Variants in PCSK6 observed in about 807,000 individuals in gnomAD.
The protein encoded by PCSK6 is paired basic amino acid cleaving enzyme 4.
PCSK6 carries 85 observed loss-of-function variants against 123.3 expected under a neutral mutation model. The ratio of observed to expected loss-of-function variants is 0.69; its 90% CI spans 0.58 to 0.83. The LOEUF is 0.83. Ranked by LOEUF, PCSK6 falls within the 40% of genes least tolerant of loss-of-function variation. The pLI, the probability that PCSK6 is intolerant of heterozygous loss-of-function variation, is 0.00. For missense variants in PCSK6, 1,191 were observed against 1,282.3 expected, an observed-to-expected ratio of 0.93 and a Z score of 1.09; for synonymous variants, 508 against 516.0, an observed-to-expected ratio of 0.98 and a Z score of 0.21.
At chr15:101,325,089 G>A in intron 16 of PCSK6, 43 bp from the exon 17 acceptor site, 2 of 1,443,244 alleles carry the variant, frequency 1.4e-6, no homozygotes, top group African/African-American at 2.8e-5. Flanking sequence ...TGCCAACCCA[G>A]CCCCAGCCCC....
chr15:101,359,208 C>G (rs2041138797), intron 13 of PCSK6, among the ~76,000 whole-genome samples: 1 of 152,194 alleles, frequency 6.6e-6, no homozygotes, highest in Non-Finnish European at 1.5e-5. Context: ...TGTGCATACT[C>G]TCTGTGATGA....
chr15:101,489,610 TGGCGGCGGCGGCCCGG>T lies in PCSK6; in HGVS notation c.45_60del (p.Arg16ProfsTer100). The T allele has an allele frequency of 1.0e-6, 1 of 960,776 alleles. No individual in the cohort carries two copies. Among genetic ancestry groups the T allele is most frequent in the Non-Finnish European group, 1.2e-6 (1 of 817,814 alleles). 59.5% of individuals were successfully genotyped at this position (960,776 alleles called of 1,614,324 possible). A position where few individuals can be genotyped will look rare whatever the true frequency, so the allele number is the denominator to read the frequency against. On this transcript the variant is annotated frameshift_variant, in exon 1 of 22. Transcript: ENST00000611716. LOFTEE classifies it high-confidence loss of function. ...CCCCCCGCGCCCGCGGCGGTGTCGGTGGCGGCGGCGGCCCGGGGCGGCGGCCGGGGCCCGGGCGCAG... is the reference window on the plus strand; with the variant it reads ...CCCCCCGCGCCCGCGGCGGTGTCGGTGGCGGCGGCCGGGGCCCGGGCGCAG...
At chr15:101,362,857 G>C (rs1000734286) in intron 13 of PCSK6, among the ~76,000 whole-genome samples, 4 of 152,234 alleles carry the variant, frequency 2.6e-5, no homozygotes, top group Non-Finnish European at 5.9e-5. Context: ...TGCACCCTGT[G>C]GTCCCCAGAG....
intron 6 of PCSK6, among the ~76,000 whole-genome samples, chr15:101,421,178 T>C (rs2056072895): frequency 6.6e-6 from 1 of 152,162 alleles, no homozygotes; most frequent in Non-Finnish European, 1.5e-5. Context: ...ACTCCTGACC[T>C]CAGGTGATCT....
At chr15:101,477,370 G>A (rs527391135) in intron 1 of PCSK6, among the ~76,000 whole-genome samples, 1 of 152,272 alleles carries the variant, frequency 6.6e-6, no homozygotes, top group African/African-American at 2.4e-5. Context: ...TCCAATTTCA[G>A]ATTTTCAGGT....
intron 13 of PCSK6, chr15:101,346,600 C>T (rs1019612485): frequency 3.0e-5 from 12 of 397,240 alleles, no homozygotes; most frequent in East Asian, 1.5e-4. Flanking sequence ...TATTCTGGGG[C>T]GAACCTGGCT....
intron 6 of PCSK6, among the ~76,000 whole-genome samples, chr15:101,426,395 T>C (rs1282057772): frequency 6.6e-6 from 1 of 152,202 alleles, no homozygotes; most frequent in South Asian, 2.1e-4. Flanking sequence ...GTTGGCCCGA[T>C]TCTACAGATC....
chr15:101,444,903 G>T (rs538235938), intron 1 of PCSK6, among the ~76,000 whole-genome samples: 33 of 152,288 alleles, frequency 2.2e-4, no homozygotes, highest in African/African-American at 7.9e-4. Context: ...AGAAGATAAG[G>T]CAGGAGTGCA....
At chr15:101,325,525 C>A (rs1390512779) in intron 16 of PCSK6, among the ~76,000 whole-genome samples, 1 of 152,234 alleles carries the variant, frequency 6.6e-6, no homozygotes, top group East Asian at 1.9e-4. Context: ...CGTGCCTGAG[C>A]CCTCATGGGT....
At position 101,432,379 on chromosome 15, in the gene PCSK6, T is replaced by A. The variant is rs959126235; in HGVS notation, c.403-279A>T. ...TGCTCACGCCTGTCATCCCAGCACG[T>A]TGGGAGGCCGAGGCAGGAAGATCGC... On this transcript the variant is annotated intron_variant, in intron 2 of 21. Coordinates refer to ENST00000611716, the MANE Select transcript of PCSK6 (RefSeq NM_002570.5). Among the ~76,000 whole-genome samples, 6 of 149,188 alleles carry A rather than the reference T, an allele frequency of 4.0e-5. No individual in the cohort carries two copies. In the Admixed American group the frequency reaches 4.1e-4, roughly 10 times the overall value.
At position 101,305,433 on chromosome 15, in the gene PCSK6, C is replaced by T. The variant is rs186643433; in HGVS notation, c.2813-78G>A. The T allele has an allele frequency of 9.1e-5, 110 of 1,213,702 alleles. 1 individual carries two copies. The highest frequency in any genetic ancestry group is 4.3e-4 in the Admixed American group (22 of 51,328). The allele number at this position is 1,213,702 out of a possible 1,614,324, so 75.2% of individuals were successfully genotyped here. A position where few individuals can be genotyped will look rare whatever the true frequency, so the allele number is the denominator to read the frequency against. On this transcript the variant is annotated intron_variant, in intron 21 of 21. Coordinates refer to ENST00000611716, the MANE Select transcript of PCSK6 (RefSeq NM_002570.5). The surrounding 1 kb of genome is among the most constrained non-coding windows in gnomAD (Gnocchi z 4.8). ...CTGTGAAGATTGTTTCAAGGCCGGGCGCGGTGCCTCATGCCTGTAATCCCA... is the reference window on the plus strand; with the variant it reads ...CTGTGAAGATTGTTTCAAGGCCGGGTGCGGTGCCTCATGCCTGTAATCCCA...
Position 101,356,942 on chromosome 15 carries a change from C to T in PCSK6, c.1858+9254G>A, listed in dbSNP as rs190826164. Among the ~76,000 whole-genome samples the T allele has an allele frequency of 3.3e-4, 50 of 152,280 alleles. 1 individual carries two copies. In the East Asian group the frequency reaches 6.2e-3, roughly 19 times the overall value. On this transcript the variant is annotated intron_variant, in intron 13 of 21. Transcript: ENST00000611716. ...GCTTTAAAACTAATTACCTAAGCCA[C>T]GTTCAATCTGACAGGAGGTATTATT...
intron 15 of PCSK6, among the ~76,000 whole-genome samples, chr15:101,328,545 G>A (rs375717576): frequency 1.3e-5 from 2 of 152,166 alleles, no homozygotes; most frequent in African/African-American, 2.4e-5. Context: ...CCTCGGAGGA[G>A]GACAGCCTTG....
chr15:101,430,402 C>T (rs2056410768), intron 4 of PCSK6, among the ~76,000 whole-genome samples: 1 of 152,160 alleles, frequency 6.6e-6, no homozygotes, highest in Admixed American at 6.5e-5. Flanking sequence ...CCCACTCCAC[C>T]TTTTTGTCTA....
chr15:101,482,020 G>A (rs778146032), intron 1 of PCSK6, among the ~76,000 whole-genome samples: 12 of 152,244 alleles, frequency 7.9e-5, no homozygotes, highest in Admixed American at 1.3e-4. Flanking sequence ...GCACGCACCC[G>A]GTGGACAGAG....
intron 6 of PCSK6, among the ~76,000 whole-genome samples, chr15:101,418,674 A>G (rs7177415): frequency 0.25 from 37,592 of 151,866 alleles, 4,904 homozygotes; most frequent in East Asian, 0.38. Context: ...CACCATGCCC[A>G]GCTAATTTTT....
intron 1 of PCSK6, among the ~76,000 whole-genome samples, chr15:101,460,799 T>C (rs186638777): frequency 6.6e-5 from 10 of 152,214 alleles, no homozygotes; most frequent in African/African-American, 9.6e-5. Context: ...ATATAACTCA[T>C]GGTAAAAGAA....
chr15:101,417,120 G>A (rs758334514), intron 6 of PCSK6, among the ~76,000 whole-genome samples: 25 of 152,150 alleles, frequency 1.6e-4, no homozygotes, highest in East Asian at 9.6e-4. Flanking sequence ...TGCTATTCTC[G>A]TGATAGTGAA....
At chr15:101,409,209 G>T (rs963232465) in intron 6 of PCSK6, among the ~76,000 whole-genome samples, 2 of 152,042 alleles carry the variant, frequency 1.3e-5, no homozygotes, top group African/African-American at 4.8e-5. Flanking sequence ...TGTAATCCCA[G>T]CACTTTGGGC....
Sources: gnomAD v4.1 joint callset for allele counts (sites outside exome capture counted in the v4.1 genomes callset) on GRCh38, gnomAD v4.1.1 for gene constraint, Gnocchi (gnomAD v3.1) non-coding constraint, MANE v1.5 for transcripts, NCBI Gene and HGNC (gene_info 2026-07-23, HGNC 2026-07-21) for gene names.